The following SAMD12 variants were observed in gnomAD, a reference collection of about 807,000 sequenced individuals.
SAMD12 encodes sterile alpha motif domain containing 12.
In SAMD12, 9 loss-of-function variants were observed where a neutral mutation model predicts 15.0. The observed-to-expected ratio is 0.60, with a 90% confidence interval of 0.36 to 1.05. The LOEUF (loss-of-function observed/expected upper bound fraction) is 1.05, where lower values mean the gene tolerates loss of function less well. Ranked by LOEUF, SAMD12 falls within the 50% of genes least tolerant of loss-of-function variation. The probability of loss-of-function intolerance (pLI) is 0.01; values close to 1 mark genes in which losing one functional copy is unlikely to be tolerated. For missense variants in SAMD12, 230 were observed against 234.2 expected (o/e 0.98, Z 0.12); for synonymous variants, 86 against 90.1 (o/e 0.96, Z 0.25).
At chr8:118,557,122 A>C (rs1826556783) in intron 2 of SAMD12, among the ~76,000 whole-genome samples, 1 of 152,142 alleles carries the variant, frequency 6.6e-6, no homozygotes, top group Non-Finnish European at 1.5e-5. Context: ...AATGCCGGTA[A>C]TCCCTACATG....
intron 2 of SAMD12, among the ~76,000 whole-genome samples, chr8:118,542,445 G>A (rs112825096): frequency 0.015 from 2,269 of 152,060 alleles, 61 homozygotes; most frequent in African/African-American, 0.052. Context: ...TTAAAATATC[G>A]TACTAAAAAT....
At chr8:118,173,507 T>C in the SAMD12 span, among the ~76,000 whole-genome samples, 2 of 151,230 alleles carry the variant, frequency 1.3e-5, no homozygotes, top group South Asian at 4.2e-4. Context: ...TTTTCTTTTA[T>C]GCGATGGGCT....
At chr8:118,318,057 G>A (rs948787272) in intron 4 of SAMD12, among the ~76,000 whole-genome samples, 3 of 151,856 alleles carry the variant, frequency 2.0e-5, no homozygotes, top group African/African-American at 7.3e-5. Context: ...AATAGATGGT[G>A]GTGTGGTTGT....
exon 5 of SAMD12, chr8:118,191,737 TG>T (rs1211394306): frequency 1.8e-5 from 2 of 109,518 alleles, no homozygotes; most frequent in Non-Finnish European, 3.7e-5. Flanking sequence ...AAATTGTGGT[TG>T]AAAAAAAATA....
chr8:118,278,851 A>G (rs1813535203), intron 4 of SAMD12, among the ~76,000 whole-genome samples: 1 of 152,216 alleles, frequency 6.6e-6, no homozygotes, highest in Non-Finnish European at 1.5e-5. Context: ...CATTGTTTCC[A>G]TTACACGTAG....
intron 2 of SAMD12, among the ~76,000 whole-genome samples, chr8:118,511,877 C>T (rs1825096667): frequency 6.6e-6 from 1 of 152,088 alleles, no homozygotes; most frequent in South Asian, 2.1e-4. Context: ...AACAAAGAGC[C>T]AGCCTTTTGC....
chr8:118,358,013 T>G (rs771229776), intron 4 of SAMD12, among the ~76,000 whole-genome samples: 1 of 152,102 alleles, frequency 6.6e-6, no homozygotes, highest in Admixed American at 6.5e-5. Flanking sequence ...GGTGTGGTGG[T>G]GCACACCTCT....
At chr8:118,467,939 G>T (rs2130954309) in intron 2 of SAMD12, among the ~76,000 whole-genome samples, 1 of 152,276 alleles carries the variant, frequency 6.6e-6, no homozygotes, top group African/African-American at 2.4e-5. Flanking sequence ...GCATAAAGAT[G>T]GGGACAATGT....
intron 4 of SAMD12, among the ~76,000 whole-genome samples, chr8:118,338,158 C>G (rs1302487474): frequency 1.3e-5 from 2 of 152,306 alleles, no homozygotes; most frequent in African/African-American, 4.8e-5. Context: ...AGAAAACACT[C>G]AACAGCTAAG....
intron 3 of SAMD12, among the ~76,000 whole-genome samples, chr8:118,397,655 TATC>T (rs1820650951): frequency 6.6e-6 from 1 of 152,138 alleles, no homozygotes; most frequent in Non-Finnish European, 1.5e-5. Flanking sequence ...ATAAAAACAT[TATC>T]ATCACAATTC....
the SAMD12 span, among the ~76,000 whole-genome samples, chr8:118,141,932 T>C: frequency 2.0e-5 from 3 of 152,188 alleles, no homozygotes; most frequent in Non-Finnish European, 4.4e-5. Context: ...TTTTGGAAGA[T>C]GGCCTCTCCC....
At chr8:118,442,148 G>T (rs988806853) in intron 2 of SAMD12, among the ~76,000 whole-genome samples, 5 of 152,124 alleles carry the variant, frequency 3.3e-5, no homozygotes, top group Admixed American at 1.3e-4. Context: ...TAAGTTTTAG[G>T]GTAAATTGTT....
At chr8:118,283,428 G>A (rs1176438883) in intron 4 of SAMD12, among the ~76,000 whole-genome samples, 5 of 152,148 alleles carry the variant, frequency 3.3e-5, no homozygotes, top group African/African-American at 7.2e-5. Flanking sequence ...AAGGGAGTAC[G>A]TAGCCTTAAT....
At chr8:118,264,399 A>C (rs1161684543) in intron 4 of SAMD12, among the ~76,000 whole-genome samples, 1 of 152,050 alleles carries the variant, frequency 6.6e-6, no homozygotes, top group Admixed American at 6.6e-5. Flanking sequence ...AGTGTTTTTG[A>C]TTTTAAAGCC....
At chr8:118,323,132 G>C (rs904057344) in intron 4 of SAMD12, among the ~76,000 whole-genome samples, 1 of 152,170 alleles carries the variant, frequency 6.6e-6, no homozygotes. Context: ...TGTCAGACTG[G>C]AGTCCTAAAT....
At chr8:118,281,603 A>G (rs902604603) in intron 4 of SAMD12, among the ~76,000 whole-genome samples, 1 of 152,260 alleles carries the variant, frequency 6.6e-6, no homozygotes, top group African/African-American at 2.4e-5. Flanking sequence ...TGTGTCATCT[A>G]CATGCCAGTT....
At chr8:118,564,835 A>G (rs771348625) in intron 2 of SAMD12, among the ~76,000 whole-genome samples, 1 of 152,234 alleles carries the variant, frequency 6.6e-6, no homozygotes, top group African/African-American at 2.4e-5. Flanking sequence ...CTGAACAGCT[A>G]TCTTCCACGC....
At chr8:118,417,223 G>A (rs1821743663) in intron 3 of SAMD12, among the ~76,000 whole-genome samples, 1 of 152,024 alleles carries the variant, frequency 6.6e-6, no homozygotes, top group Admixed American at 6.6e-5. Flanking sequence ...TAGGACTACA[G>A]GTGTGCCCCC....
intron 4 of SAMD12, among the ~76,000 whole-genome samples, chr8:118,285,402 T>C (rs1402481404): frequency 6.6e-6 from 1 of 152,214 alleles, no homozygotes; most frequent in Non-Finnish European, 1.5e-5. Context: ...AAATAATGCA[T>C]ATAGCAGTTT....
Sources: allele counts gnomAD v4.1 joint callset (sites outside exome capture counted in the v4.1 genomes callset), GRCh38; gene constraint gnomAD v4.1.1; transcripts MANE v1.5; gene names NCBI Gene and HGNC (gene_info 2026-07-23, HGNC 2026-07-21).